The following ARAP2 variants were observed in gnomAD, a reference collection of about 807,000 sequenced individuals.
ARAP2 encodes the protein arf-GAP with Rho-GAP domain, ANK repeat and PH domain-containing protein 2.
In ARAP2, 148 loss-of-function variants were observed where a neutral mutation model predicts 194.5. The observed-to-expected ratio is 0.76, with a 90% confidence interval of 0.67 to 0.87. The LOEUF is 0.87. ARAP2 is among the 40% of genes least tolerant of loss of function. The pLI is 0.00. For synonymous variants in ARAP2, 695 were observed against 683.5 expected, an observed-to-expected ratio of 1.02 and a Z score of -0.26; for missense variants, 2,128 against 1,989.7, an observed-to-expected ratio of 1.07 and a Z score of -1.32.
At chr4:36,143,596 T>C (rs1309151225) in intron 19 of ARAP2, among the ~76,000 whole-genome samples, 1 of 151,724 alleles carries the variant, frequency 6.6e-6, no homozygotes, top group Non-Finnish European at 1.5e-5. Flanking sequence ...ACTGCCCCCA[T>C]TGTCATCATT....
intron 5 of ARAP2, among the ~76,000 whole-genome samples, chr4:36,021,332 T>G (rs111757667): frequency 0.034 from 5,185 of 152,278 alleles, 348 homozygotes; most frequent in African/African-American, 0.12. Context: ...TGGATCTTCG[T>G]CCCCCATTCA....
intron 12 of ARAP2, 150 bp downstream of exon 12, chr4:36,161,315 A>C (rs1012184852): frequency 9.9e-6 from 6 of 606,172 alleles, no homozygotes; most frequent in Non-Finnish European, 1.5e-5. Flanking sequence ...CTACTATCAA[A>C]AAGGCTATAA....
intron 1 of ARAP2, among the ~76,000 whole-genome samples, chr4:36,234,351 C>T (rs1752057600): frequency 6.6e-6 from 1 of 152,204 alleles, no homozygotes; most frequent in Non-Finnish European, 1.5e-5. Context: ...TCAGGCCTCT[C>T]TTATGAGAAG....
intron 27 of ARAP2, among the ~76,000 whole-genome samples, chr4:36,097,936 T>C (rs951129756): frequency 1.3e-5 from 2 of 152,080 alleles, no homozygotes; most frequent in Admixed American, 6.6e-5. Context: ...CAACTTGTTA[T>C]TAATTTAGAA....
intron 14 of ARAP2, 126 bp from the exon 15 acceptor site, chr4:36,158,990 C>A: frequency 2.2e-6 from 2 of 893,682 alleles, no homozygotes; most frequent in South Asian, 2.7e-5. Context: ...AGAATAATTA[C>A]AGAGATACTT....
intron 1 of ARAP2, among the ~76,000 whole-genome samples, chr4:36,234,374 C>T (rs1295720849): frequency 1.3e-5 from 2 of 152,206 alleles, no homozygotes; most frequent in Non-Finnish European, 2.9e-5. Flanking sequence ...TAATTCCATT[C>T]ACCAGAGCTC....
rs767849760 is a variant in ARAP2 at position 36,150,987 on chromosome 4, T to C, written c.2810A>G (p.Asp937Gly). 8.1e-6 allele frequency: 13 copies of C among 1,612,240 alleles called. No homozygotes were observed. Among genetic ancestry groups the C allele is most frequent in the Non-Finnish European group, 1.1e-5 (13 of 1,179,240 alleles). Residue 937 changes from aspartate to glycine, a missense_variant, in exon 16 of 33, where the codon GAT becomes GGT. Transcript: ENST00000303965. ...GGTGCCATTAGGTGTGGTAGACTTA[T>C]CATTTTCATAGTAACTCAAGAAGCC... Reference protein sequence around the residue: ...EGGFLSYYENDKSTTPNGTIN... With the variant: ...EGGFLSYYENGKSTTPNGTIN...
intron 10 of ARAP2, among the ~76,000 whole-genome samples, chr4:36,165,534 A>G (rs1223201984): frequency 2.0e-5 from 3 of 152,058 alleles, no homozygotes; most frequent in Non-Finnish European, 4.4e-5. Flanking sequence ...AAAAACACCC[A>G]CCAGAATTGT....
intron 1 of ARAP2, among the ~76,000 whole-genome samples, chr4:36,239,170 G>A (rs1319609999): frequency 6.6e-6 from 1 of 152,096 alleles, no homozygotes. Context: ...CAGCTACTTA[G>A]GAGGTTGAGA....
intron 31 of ARAP2, among the ~76,000 whole-genome samples, chr4:36,077,988 C>T (rs557151563): frequency 3.0e-4 from 46 of 152,210 alleles, no homozygotes; most frequent in Non-Finnish European, 5.4e-4. Flanking sequence ...GAACCTTCCT[C>T]AATTAGTGCC....
At chr4:36,165,218 G>A in intron 10 of ARAP2, 105 bp from the exon 11 acceptor site, 2 of 1,055,426 alleles carry the variant, frequency 1.9e-6, no homozygotes, top group Non-Finnish European at 2.8e-6. Context: ...AACAACAGCT[G>A]AAAAATATGG....
At chr4:36,048,661 A>G (rs1722191777) in intron 3 of ARAP2, among the ~76,000 whole-genome samples, 1 of 152,160 alleles carries the variant, frequency 6.6e-6, no homozygotes, top group Non-Finnish European at 1.5e-5. Context: ...TAGTGCTGCT[A>G]TGGACATAAC....
chr4:36,114,186 AATGACTTCAAAT>A lies in ARAP2; in HGVS notation c.4128_4139del (p.Phe1377_Ile1380del). ...ATCACTTACCTAGCTCTTCATTTTCAATGACTTCAAATGTGGCCCAAATATCACCTTTTGTAG... is the reference window on the plus strand; with the variant it reads ...ATCACTTACCTAGCTCTTCATTTTCAGTGGCCCAAATATCACCTTTTGTAG... On this transcript the variant is annotated inframe_deletion, in exon 26 of 33. Transcript: ENST00000303965. The A allele has an allele frequency of 6.3e-7, 1 of 1,591,450 alleles. No individual in the cohort carries two copies. Among genetic ancestry groups the A allele is most frequent in the Non-Finnish European group, 8.6e-7 (1 of 1,163,348 alleles).
chr4:36,239,711 T>C (rs1753148811), intron 1 of ARAP2, among the ~76,000 whole-genome samples: 1 of 152,244 alleles, frequency 6.6e-6, no homozygotes, highest in Non-Finnish European at 1.5e-5. Context: ...GTAAATATAC[T>C]TAGCGTTACT....
intron 6 of ARAP2, among the ~76,000 whole-genome samples, chr4:36,016,571 G>A (rs1471953974): frequency 6.6e-6 from 1 of 152,082 alleles, no homozygotes; most frequent in East Asian, 1.9e-4. Context: ...AATATCTTCA[G>A]AAATTTATAA....
Position 36,121,301 on chromosome 4 carries a change from G to A in ARAP2, c.3772C>T (p.His1258Tyr). The A allele has an allele frequency of 1.3e-6, 2 of 1,599,818 alleles. No homozygotes were observed. Among genetic ancestry groups the A allele is most frequent in the Non-Finnish European group, 1.7e-6 (2 of 1,171,988 alleles). ...YRVQKCSEIN[H>Y]MNAHNLALVF... Reference sequence around the variant, plus strand: ...AAGGCCAAATTATGGGCATTCATGTGATTGATTTCTGAGCATTTCTGAACC... The same window carrying A: ...AAGGCCAAATTATGGGCATTCATGTAATTGATTTCTGAGCATTTCTGAACC... Residue 1258 changes from histidine (H) to tyrosine (Y), a missense_variant, in exon 23 of 33, where the codon CAC becomes TAC. Coordinates refer to ENST00000303965, the MANE Select transcript of ARAP2 (RefSeq NM_015230.4).
intron 2 of ARAP2, among the ~76,000 whole-genome samples, chr4:36,226,068 T>A (rs142407858): frequency 7.4e-4 from 112 of 152,224 alleles, no homozygotes; most frequent in African/African-American, 2.5e-3. Flanking sequence ...TTTTATGATC[T>A]GAGCACCACA....
chr4:36,010,319 G>T (rs754981451), intron 9 of ARAP2, among the ~76,000 whole-genome samples: 7 of 151,708 alleles, frequency 4.6e-5, no homozygotes, highest in Non-Finnish European at 1.0e-4. Flanking sequence ...TCATTGAAAA[G>T]AAATAAAGAA....
At chr4:36,150,223 CCTTT>C (rs1263801149) in intron 16 of ARAP2, among the ~76,000 whole-genome samples, 4 of 152,116 alleles carry the variant, frequency 2.6e-5, no homozygotes, top group Non-Finnish European at 1.5e-5. Flanking sequence ...AGAATATTCT[CCTTT>C]CTTACCTGTT....
Sources: allele counts gnomAD v4.1 joint callset (sites outside exome capture counted in the v4.1 genomes callset), GRCh38; gene constraint gnomAD v4.1.1; transcripts MANE v1.5; gene names NCBI Gene and HGNC (gene_info 2026-07-23, HGNC 2026-07-21).